The following THSD7A variants were observed in gnomAD, a reference collection of about 807,000 sequenced individuals.
The protein encoded by THSD7A is thrombospondin type 1 domain containing 7A, also known as thrombospondin type-1 domain-containing protein 7A.
In THSD7A, 96 loss-of-function variants were observed where a neutral mutation model predicts 231.3. The observed-to-expected ratio is 0.41, with a 90% confidence interval of 0.35 to 0.49. The LOEUF is 0.49. THSD7A is among the 20% of genes least tolerant of loss of function. The probability of loss-of-function intolerance (pLI) is 0.05; values close to 1 mark genes in which losing one functional copy is unlikely to be tolerated. For synonymous variants in THSD7A, 940 were observed against 743.3 expected, an observed-to-expected ratio of 1.26 and a Z score of -4.30; for missense variants, 2,290 against 2,070.2, an observed-to-expected ratio of 1.11 and a Z score of -2.06.
intron 4 of THSD7A, among the ~76,000 whole-genome samples, chr7:11,586,993 C>T (rs1298564973): frequency 6.6e-6 from 1 of 152,136 alleles, no homozygotes. Context: ...TCTTCAGTTT[C>T]CTATAAGTCA....
chr7:11,529,872 C>T (rs1259328557), intron 6 of THSD7A, among the ~76,000 whole-genome samples: 1 of 152,170 alleles, frequency 6.6e-6, no homozygotes, highest in Non-Finnish European at 1.5e-5. Flanking sequence ...CTCTATTGAA[C>T]CCACCTTAGA....
rs1048887889 is a variant in THSD7A at position 11,669,535 on chromosome 7, A to G, written c.191-32574T>C. On this transcript the variant is annotated intron_variant, in intron 1 of 27. Transcript: ENST00000423059. ...AGAGAATTCCAATAAAGGAATGACC[A>G]ACATTGTTTGGGGAATTAGAGAAAA... Among the ~76,000 whole-genome samples the G allele has an allele frequency of 7.2e-5, 11 of 152,130 alleles. 1 individual carries two copies. In the East Asian group the frequency reaches 2.1e-3, roughly 29 times the overall value.
At chr7:11,749,977 T>C (rs1782445069) in intron 1 of THSD7A, among the ~76,000 whole-genome samples, 1 of 151,788 alleles carries the variant, frequency 6.6e-6, no homozygotes, top group Admixed American at 6.6e-5. Context: ...GTTGTTAATA[T>C]AATAATAGCT....
intron 1 of THSD7A, among the ~76,000 whole-genome samples, chr7:11,704,459 T>A (rs1272641750): frequency 6.6e-6 from 1 of 150,732 alleles, no homozygotes; most frequent in Non-Finnish European, 1.5e-5. Context: ...TGGAATACCA[T>A]CTTAAAACAG....
At chr7:11,633,650 G>T (rs1256759651) in intron 2 of THSD7A, among the ~76,000 whole-genome samples, 1 of 152,136 alleles carries the variant, frequency 6.6e-6, no homozygotes, top group Non-Finnish European at 1.5e-5. Context: ...TGTATCAACT[G>T]TGGTTTGGGA....
At position 11,537,916 on chromosome 7, in the gene THSD7A, G is replaced by A. The variant is rs146814815; in HGVS notation, c.1822+3503C>T. Among the ~76,000 whole-genome samples, 19 of 152,276 alleles carry A rather than the reference G, an allele frequency of 1.2e-4. No homozygotes were observed. The East Asian group carries it at 3.3e-3, about 26-fold the overall frequency. On this transcript the variant is annotated intron_variant, in intron 6 of 27. Coordinates refer to ENST00000423059, the MANE Select transcript of THSD7A (RefSeq NM_015204.3). Reference sequence around the variant, plus strand: ...TCTTCAGCATTACTAGAAGCCAGCCGGTTTGACATGGTGCTGAGAGTCTTT... The same window carrying A: ...TCTTCAGCATTACTAGAAGCCAGCCAGTTTGACATGGTGCTGAGAGTCTTT...
At chr7:11,407,240 C>A (rs2115371654) in intron 20 of THSD7A, 66 bp downstream of exon 20, 9 of 1,466,700 alleles carry the variant, frequency 6.1e-6, no homozygotes, top group Non-Finnish European at 8.4e-6. Flanking sequence ...TGGGTTAAAG[C>A]AAGAGGGATA....
At chr7:11,454,780 T>A (rs1583772897) in intron 11 of THSD7A, among the ~76,000 whole-genome samples, 1 of 152,030 alleles carries the variant, frequency 6.6e-6, no homozygotes, top group African/African-American at 2.4e-5. Flanking sequence ...TAAATATTTA[T>A]GAGAGAATGT....
intron 6 of THSD7A, among the ~76,000 whole-genome samples, chr7:11,524,735 G>A (rs10260632): frequency 0.26 from 39,222 of 152,030 alleles, 6,280 homozygotes; most frequent in African/African-American, 0.45. Flanking sequence ...GAACCATTCT[G>A]CATCAAAAGA....
chr7:11,828,036 G>A (rs1027929581), intron 1 of THSD7A, among the ~76,000 whole-genome samples: 4 of 152,160 alleles, frequency 2.6e-5, no homozygotes, highest in Non-Finnish European at 4.4e-5. Flanking sequence ...TATTGTCGGA[G>A]TTCTGTTTCC....
chr7:11,549,900 T>C (rs182878009), intron 4 of THSD7A, among the ~76,000 whole-genome samples: 189 of 152,204 alleles, frequency 1.2e-3, no homozygotes, highest in African/African-American at 4.0e-3. Flanking sequence ...CTGCACATCC[T>C]ACACATGTAC....
At chr7:11,544,300 C>T (rs533370850) in intron 4 of THSD7A, among the ~76,000 whole-genome samples, 1 of 152,106 alleles carries the variant, frequency 6.6e-6, no homozygotes, top group South Asian at 2.1e-4. Flanking sequence ...TGAAATCATG[C>T]CACTGCACTC....
intron 1 of THSD7A, among the ~76,000 whole-genome samples, chr7:11,712,563 T>C (rs910720211): frequency 1.3e-5 from 2 of 151,036 alleles, no homozygotes; most frequent in African/African-American, 4.8e-5. Flanking sequence ...CAAATATCAA[T>C]AATATCAGTA....
chr7:11,619,839 G>A (rs1024105220), intron 2 of THSD7A, among the ~76,000 whole-genome samples: 4 of 151,850 alleles, frequency 2.6e-5, no homozygotes, highest in Admixed American at 2.0e-4. Flanking sequence ...CTTTATAATT[G>A]GTATTTAACT....
chr7:11,777,634 T>C (rs1783457398), intron 1 of THSD7A, among the ~76,000 whole-genome samples: 2 of 152,162 alleles, frequency 1.3e-5, no homozygotes, highest in South Asian at 4.1e-4. Context: ...TGAATTCCTA[T>C]TGTTTGTCTA....
chr7:11,586,302 A>G (rs757524535), intron 4 of THSD7A, among the ~76,000 whole-genome samples: 6 of 152,208 alleles, frequency 3.9e-5, no homozygotes, highest in Non-Finnish European at 7.4e-5. Flanking sequence ...TAGAAAGTCA[A>G]AAAACATGAA....
Position 11,831,747 on chromosome 7 carries a change from TC to T in THSD7A, c.190+9del, listed in dbSNP as rs760446245. ...TGAAGATGGGGAAAGGGTAACTCCG[TC>T]CCACTTACCAGTCTTCCACAGATAG... On this transcript the variant is annotated intron_variant, in intron 1 of 27. Transcript: ENST00000423059. The surrounding 1 kb of genome is among the most constrained non-coding windows in gnomAD (Gnocchi z 5.0). 9 of 1,446,394 alleles carry T rather than the reference TC, an allele frequency of 6.2e-6. No individual in the cohort carries two copies. The highest frequency in any genetic ancestry group is 7.3e-6 in the Non-Finnish European group (8 of 1,095,138). The allele number at this position is 1,446,394 out of a possible 1,614,324, so 89.6% of individuals were successfully genotyped here.
In THSD7A at chr7:11,634,058, C is replaced by T. The variant is rs1006245956; in HGVS notation, c.1022+2072G>A. Among the ~76,000 whole-genome samples, 3 of 152,006 alleles carry T rather than the reference C, an allele frequency of 2.0e-5. No individual in the cohort carries two copies. Among genetic ancestry groups the T allele is most frequent in the African/African-American group, 4.8e-5 (2 of 41,384 alleles). ...ATCATGGTATAATATCTGAGCAAAA[C>T]GTAGGTCAAAATATCTGATTTTTAT... On this transcript the variant is annotated intron_variant, in intron 2 of 27. Coordinates refer to ENST00000423059, the MANE Select transcript of THSD7A (RefSeq NM_015204.3). The surrounding 1 kb of genome is among the most constrained non-coding windows in gnomAD (Gnocchi z 4.1).
At chr7:11,435,891 G>A (rs1055849058) in intron 13 of THSD7A, among the ~76,000 whole-genome samples, 4 of 152,048 alleles carry the variant, frequency 2.6e-5, no homozygotes, top group Admixed American at 6.6e-5. Flanking sequence ...GAGGAGTCTT[G>A]TGGAGTACTG....
Sources: gnomAD v4.1 joint callset for allele counts (sites outside exome capture counted in the v4.1 genomes callset) on GRCh38, gnomAD v4.1.1 for gene constraint, Gnocchi (gnomAD v3.1) non-coding constraint, MANE v1.5 for transcripts, NCBI Gene and HGNC (gene_info 2026-07-23, HGNC 2026-07-21) for gene names.